ALMS1: variants seen among roughly 807,000 people sequenced by gnomAD.
ALMS1 encodes the protein ALMS1 centrosome and basal body associated protein.
In ALMS1, 271 loss-of-function variants were observed where a neutral mutation model predicts 352.2. That is an observed-to-expected ratio of 0.77 (90% CI 0.70 to 0.85). ALMS1 has a LOEUF of 0.85. Among genes scored for constraint, ALMS1 ranks in the 40% least tolerant of loss-of-function variants. The pLI is 0.00. For synonymous variants in ALMS1, 1,865 were observed against 1,761.2 expected, an observed-to-expected ratio of 1.06 and a Z score of -1.48; for missense variants, 5,445 against 4,870.7, an observed-to-expected ratio of 1.12 and a Z score of -3.51.
At chr2:73,398,886 C>T (rs937954425) in intron 1 of ALMS1, among the ~76,000 whole-genome samples, 28 of 152,214 alleles carry the variant, frequency 1.8e-4, no homozygotes, top group African/African-American at 5.1e-4. Context: ...CACTGTCACC[C>T]GGGCTGGAGT....
At chr2:73,438,096 CG>C (rs1156497382) in intron 7 of ALMS1, among the ~76,000 whole-genome samples, 1 of 152,098 alleles carries the variant, frequency 6.6e-6, no homozygotes, top group African/African-American at 2.4e-5. Context: ...AATAAACTAC[CG>C]TCAGTCTCCT....
intron 10 of ALMS1, among the ~76,000 whole-genome samples, chr2:73,498,900 C>T (rs966699501): frequency 4.6e-5 from 7 of 152,112 alleles, no homozygotes; most frequent in African/African-American, 1.7e-4. Flanking sequence ...CTGTAGATTG[C>T]TTTTGAGTAA....
intron 9 of ALMS1, chr2:73,458,159 A>G (rs1179014341): frequency 6.6e-6 from 1 of 150,576 alleles, no homozygotes; most frequent in Non-Finnish European, 1.5e-5. Context: ...GACTTTTTTC[A>G]GTCTATTAAC....
chr2:73,428,298 T>C (rs563362646), intron 6 of ALMS1, among the ~76,000 whole-genome samples: 1 of 152,286 alleles, frequency 6.6e-6, no homozygotes, highest in South Asian at 2.1e-4. Flanking sequence ...TCATAATTAT[T>C]CAGCAATTGG....
rs760991535 is a variant in ALMS1 at position 73,519,894 on chromosome 2, T to C, written c.9659T>C (p.Ile3220Thr). Reference protein sequence around the residue: ...EKTLFSSEIFINAEDRGHEII... With the variant: ...EKTLFSSEIFTNAEDRGHEII... ...ACCCTATTTTCATCTGAGATTTTTATTAATGCTGAAGATCGTGGACATGAA... is the reference window on the plus strand; with the variant it reads ...ACCCTATTTTCATCTGAGATTTTTACTAATGCTGAAGATCGTGGACATGAA... Residue 3220 changes from isoleucine to threonine, a missense_variant, in exon 11 of 23, where the codon ATT becomes ACT. Coordinates refer to ENST00000613296, the MANE Select transcript of ALMS1 (RefSeq NM_001378454.1). 1.1e-4 allele frequency: 180 copies of C among 1,614,014 alleles called. No individual in the cohort carries two copies. The highest frequency in any genetic ancestry group is 1.5e-4 in the Non-Finnish European group (178 of 1,179,988).
intron 9 of ALMS1, among the ~76,000 whole-genome samples, chr2:73,463,592 A>C (rs1672256878): frequency 7.8e-6 from 1 of 128,630 alleles, no homozygotes; most frequent in South Asian, 2.9e-4. Context: ...GGCAAGAAAT[A>C]ACTAAAATCA....
At chr2:73,466,220 A>T (rs892419299) in intron 9 of ALMS1, among the ~76,000 whole-genome samples, 1 of 152,192 alleles carries the variant, frequency 6.6e-6, no homozygotes, top group Non-Finnish European at 1.5e-5. Context: ...AATAGCAAAT[A>T]CTTGGAACCA....
chr2:73,489,506 T>A, intron 9 of ALMS1, 128 bp from the exon 10 acceptor site: 4 of 1,073,722 alleles, frequency 3.7e-6, no homozygotes, highest in Non-Finnish European at 5.5e-6. Flanking sequence ...CCTGTTATAT[T>A]ATAAAAGAAT....
intron 2 of ALMS1, among the ~76,000 whole-genome samples, chr2:73,414,389 T>A (rs1016270233): frequency 2.2e-3 from 332 of 151,070 alleles, no homozygotes; most frequent in African/African-American, 7.7e-3. Flanking sequence ...TAAAAAAATA[T>A]TTCCTTTAGG....
At position 73,419,283 on chromosome 2, in the gene ALMS1, A is replaced by C. The variant is rs200054604; in HGVS notation, c.611A>C (p.Glu204Ala). 9.6e-5 allele frequency: 155 copies of C among 1,614,124 alleles called. No homozygotes were observed. The African/African-American group carries it at 1.9e-3, about 20-fold the overall frequency. Residue 204 changes from glutamate (E) to alanine (A), a missense_variant, in exon 3 of 23, where the codon GAA becomes GCA. Coordinates refer to ENST00000613296, the MANE Select transcript of ALMS1 (RefSeq NM_001378454.1). ...ACGCAATCAGAAAATCAAGTAAAGGAACCCAACAGAGATCTCTTCTGTTCT... is the reference window on the plus strand; with the variant it reads ...ACGCAATCAGAAAATCAAGTAAAGGCACCCAACAGAGATCTCTTCTGTTCT... ...ILTQSENQVK[E>A]PNRDLFCSPL... is the part of the protein sequence containing the mutation.
rs868865141 is a variant in ALMS1, at chr2:73,464,623, G to A, written c.7674+9328G>A. On this transcript the variant is annotated intron_variant, in intron 9 of 22. Coordinates refer to ENST00000613296, the MANE Select transcript of ALMS1 (RefSeq NM_001378454.1). ...CAGTTAGGCAGGAGAAGGAAATAAA[G>A]GGTATTCAATTAGGAAAAGAGGAAC... Among the ~76,000 whole-genome samples, 207 of 152,116 alleles carry A rather than the reference G, an allele frequency of 1.4e-3. 1 individual carries two copies. Among genetic ancestry groups the A allele is most frequent in the African/African-American group, 4.5e-3 (187 of 41,510 alleles).
chr2:73,458,312 A>C (rs1303822241), intron 9 of ALMS1: 1 of 152,152 alleles, frequency 6.6e-6, no homozygotes, highest in African/African-American at 2.4e-5. Context: ...CTAAAAGCAT[A>C]ATTTCACAGG....
intron 12 of ALMS1, among the ~76,000 whole-genome samples, chr2:73,547,556 G>A (rs185297131): frequency 6.6e-6 from 1 of 152,276 alleles, no homozygotes; most frequent in East Asian, 1.9e-4. Context: ...CAGGAGCTCA[G>A]TCTAAAACAA....
At chr2:73,432,587 T>G (rs1671522224) in intron 7 of ALMS1, among the ~76,000 whole-genome samples, 1 of 152,144 alleles carries the variant, frequency 6.6e-6, no homozygotes, top group Admixed American at 6.5e-5. Context: ...ATAGATGACA[T>G]GTTCCTCTGT....
chr2:73,455,859 A>G (rs1393095475), intron 9 of ALMS1, among the ~76,000 whole-genome samples: 1 of 152,198 alleles, frequency 6.6e-6, no homozygotes. Flanking sequence ...TTTTAAGAAC[A>G]GAGAAGACTA....
intron 16 of ALMS1, among the ~76,000 whole-genome samples, chr2:73,596,867 TTTTTTTTTTTTC>T (rs1675561754): frequency 6.7e-6 from 1 of 150,120 alleles, no homozygotes; most frequent in Non-Finnish European, 1.5e-5. Flanking sequence ...CCTCTTTTTT[TTTTTTTTTTTTC>T]TTTTTTTTTT....
chr2:73,491,313 A>G lies in ALMS1; in HGVS notation c.9354A>G (p.Gly3118=). The G allele has an allele frequency of 6.2e-7, 1 of 1,614,198 alleles. No individual in the cohort carries two copies. The highest frequency in any genetic ancestry group is 8.5e-7 in the Non-Finnish European group (1 of 1,180,028). The change falls in exon 10 of 23, where the codon GGA becomes GGG. Residue 3118 remains glycine, a synonymous_variant. Transcript: ENST00000613296. ...ATCAAGAATCTTTAGGTTTTCTAGG[A>G]CCTAAATCTTCACTGGATTTCCAAG... is the stretch of plus-strand genomic sequence containing the variant. ...AQDQESLGFL[G]PKSSLDFQVV...
At chr2:73,530,304 C>T (rs898013028) in intron 11 of ALMS1, among the ~76,000 whole-genome samples, 7 of 152,170 alleles carry the variant, frequency 4.6e-5, no homozygotes, top group East Asian at 1.9e-4. Context: ...CCATTCCAAA[C>T]GGGAGAAGCT....
chr2:73,402,654 C>T (rs897182274), intron 1 of ALMS1, among the ~76,000 whole-genome samples: 5 of 152,260 alleles, frequency 3.3e-5, no homozygotes, highest in Admixed American at 3.3e-4. Context: ...CAAGGGTTCT[C>T]TTTTTTCCAC....
Sources: allele counts gnomAD v4.1 joint callset (sites outside exome capture counted in the v4.1 genomes callset), GRCh38; gene constraint gnomAD v4.1.1; transcripts MANE v1.5; gene names NCBI Gene and HGNC (gene_info 2026-07-23, HGNC 2026-07-21).